Variants in PTPRE observed in about 807,000 individuals in gnomAD.
The protein encoded by PTPRE is protein tyrosine phosphatase receptor type E.
PTPRE carries 51 observed loss-of-function variants against 102.0 expected under a neutral mutation model. The observed-to-expected ratio is 0.50, with a 90% CI of 0.40 to 0.63. PTPRE has a LOEUF of 0.63. PTPRE is among the 30% of genes least tolerant of loss of function. PTPRE has a pLI of 0.00. For synonymous variants in PTPRE, 345 were observed against 348.2 expected, an observed-to-expected ratio of 0.99 and a Z score of 0.10; for missense variants, 752 against 915.1, an observed-to-expected ratio of 0.82 and a Z score of 2.30.
intron 1 of PTPRE, among the ~76,000 whole-genome samples, chr10:127,956,648 AACT>A (rs1294673601): frequency 6.6e-6 from 1 of 152,246 alleles, no homozygotes. Context: ...GAAACCACTA[AACT>A]ATCTTCCAAA....
chr10:127,953,545 C>T (rs1388538403), intron 1 of PTPRE, among the ~76,000 whole-genome samples: 4 of 152,120 alleles, frequency 2.6e-5, no homozygotes, highest in East Asian at 1.9e-4. Flanking sequence ...AAAATGGAAG[C>T]GGTGTATATA....
At chr10:128,012,981 T>A (rs577655415) in intron 2 of PTPRE, among the ~76,000 whole-genome samples, 2 of 152,328 alleles carry the variant, frequency 1.3e-5, no homozygotes, top group East Asian at 3.9e-4. Context: ...TCAGCATTTC[T>A]TTAAAAATTC....
intron 2 of PTPRE, among the ~76,000 whole-genome samples, chr10:128,014,006 C>G (rs1845227187): frequency 6.6e-6 from 1 of 152,184 alleles, no homozygotes; most frequent in Non-Finnish European, 1.5e-5. Context: ...CAATGTGCCC[C>G]TACCTCTGCC....
chr10:128,060,614 G>A (rs1849499547), intron 7 of PTPRE, among the ~76,000 whole-genome samples: 1 of 152,178 alleles, frequency 6.6e-6, no homozygotes, highest in African/African-American at 2.4e-5. Flanking sequence ...TGCACTGCCA[G>A]GGGCCTGGCA....
intron 2 of PTPRE, among the ~76,000 whole-genome samples, chr10:128,020,779 C>G (rs909655021): frequency 6.6e-6 from 1 of 152,102 alleles, no homozygotes; most frequent in South Asian, 2.1e-4. Flanking sequence ...GCATCCTGAG[C>G]GGGCAGTGGG....
At chr10:128,010,590 T>TCTTTTCTTTTCTTTC (rs1004427789) in intron 2 of PTPRE, among the ~76,000 whole-genome samples, 3 of 149,898 alleles carry the variant, frequency 2.0e-5, no homozygotes, top group South Asian at 2.1e-4. Flanking sequence ...TCTTTTCTTT[T>TCTTTTCTTTTCTTTC]CTTTCCTTTT....
At chr10:128,002,486 T>C (rs1854023841) in intron 2 of PTPRE, among the ~76,000 whole-genome samples, 1 of 151,950 alleles carries the variant, frequency 6.6e-6, no homozygotes, top group Non-Finnish European at 1.5e-5. Context: ...GGAAGGAAGA[T>C]GCAGCAGTGC....
intron 1 of PTPRE, among the ~76,000 whole-genome samples, chr10:127,918,432 G>A (rs764221814): frequency 1.3e-5 from 2 of 151,864 alleles, no homozygotes; most frequent in South Asian, 2.1e-4. Flanking sequence ...GGTGGTGGGC[G>A]CCTGTAGTCC....
rs143959229 is a variant in PTPRE at position 128,029,235 on chromosome 10, C to A, written c.-7-11640C>A. 6.6e-3 allele frequency among the ~76,000 whole-genome samples: 1,012 copies of A among 152,316 alleles called. 9 individuals carry two copies. Among genetic ancestry groups the A allele is most frequent in the African/African-American group, 0.023 (969 of 41,574 alleles). ...CCTCAAGAATCCTCTCAACTGGCTG[C>A]AGGCTCCTAGTTCTTGGTGACTTAG... On this transcript the variant is annotated intron_variant, in intron 2 of 20. Transcript: ENST00000254667.
intron 2 of PTPRE, among the ~76,000 whole-genome samples, chr10:127,991,562 C>T (rs188735043): frequency 3.9e-4 from 60 of 152,340 alleles, no homozygotes; most frequent in African/African-American, 1.4e-3. Flanking sequence ...GAGCCTGTCT[C>T]ATTCAGCTTT....
chr10:127,911,720 G>C (rs148117119), intron 1 of PTPRE, among the ~76,000 whole-genome samples: 1 of 152,204 alleles, frequency 6.6e-6, no homozygotes, highest in East Asian at 1.9e-4. Flanking sequence ...TCTTGGCTCA[G>C]CATTTGGGCC....
At chr10:127,996,617 C>G (rs1418688206) in intron 2 of PTPRE, among the ~76,000 whole-genome samples, 1 of 152,194 alleles carries the variant, frequency 6.6e-6, no homozygotes, top group East Asian at 1.9e-4. Context: ...TGCCTCCCGG[C>G]ATTCGGCTTC....
intron 1 of PTPRE, among the ~76,000 whole-genome samples, chr10:127,933,075 A>G (rs1349557323): frequency 6.6e-6 from 1 of 152,166 alleles, no homozygotes; most frequent in Admixed American, 6.5e-5. Context: ...TTAAGGGCTC[A>G]TGTGGTAACA....
rs1216418346 is a variant in PTPRE at position 128,028,777 on chromosome 10, T to G, written c.-7-12098T>G. The stretch of plus-strand genomic sequence containing the variant: ...GAAGCCTCCATCCCTGCGGAGGGCT[T>G]GAGACCCTCTGGGATGCGACCCAGT... On this transcript the variant is annotated intron_variant, in intron 2 of 20. Transcript: ENST00000254667. The surrounding 1 kb of genome is among the most constrained non-coding windows in gnomAD (Gnocchi z 4.5). 6.6e-6 allele frequency among the ~76,000 whole-genome samples: 1 copy of G among 152,116 alleles called. No homozygotes were observed. Among genetic ancestry groups the G allele is most frequent in the Non-Finnish European group, 1.5e-5 (1 of 68,014 alleles).
intron 1 of PTPRE, among the ~76,000 whole-genome samples, chr10:127,918,406 A>C (rs1041636956): frequency 6.6e-6 from 1 of 151,964 alleles, no homozygotes; most frequent in Non-Finnish European, 1.5e-5. Flanking sequence ...AAAACACACA[A>C]AAAATAGCCC....
At chr10:128,047,537 G>A (rs766175881) in intron 4 of PTPRE, 48 bp downstream of exon 4, 1 of 1,610,928 alleles carries the variant, frequency 6.2e-7, no homozygotes, top group South Asian at 1.1e-5. Context: ...CTCAGAGGAG[G>A]AAATGAGCCT....
At chr10:127,917,305 G>C (rs78787669) in intron 1 of PTPRE, among the ~76,000 whole-genome samples, 9,032 of 151,944 alleles carry the variant, frequency 0.059, 353 homozygotes, top group South Asian at 0.12. Flanking sequence ...TGTCCAAAGG[G>C]AAGCGAAGAG....
At chr10:128,077,879 C>T (rs1590250310) in intron 19 of PTPRE, 96 bp downstream of exon 19, 3 of 1,397,530 alleles carry the variant, frequency 2.1e-6, no homozygotes. Context: ...GTCGCTGCCC[C>T]TGGCCATGGT....
intron 7 of PTPRE, among the ~76,000 whole-genome samples, chr10:128,058,796 G>A (rs2135930377): frequency 6.6e-6 from 1 of 152,086 alleles, no homozygotes; most frequent in East Asian, 1.9e-4. Flanking sequence ...TGGGGGAGAG[G>A]AGAGAAGGGA....
Sources: gnomAD v4.1 joint callset for allele counts (sites outside exome capture counted in the v4.1 genomes callset) on GRCh38, gnomAD v4.1.1 for gene constraint, Gnocchi (gnomAD v3.1) non-coding constraint, MANE v1.5 for transcripts, NCBI Gene and HGNC (gene_info 2026-07-23, HGNC 2026-07-21) for gene names.